EXD1: variants seen among roughly 807,000 people sequenced by gnomAD.
EXD1 encodes exonuclease 3'-5' domain containing 1, also known as piRNA biogenesis protein EXD1.
A neutral mutation model predicts 49.1 loss-of-function variants in EXD1; 63 were observed. The observed-to-expected ratio is 1.28, with a 90% CI of 1.05 to 1.58. The LOEUF (loss-of-function observed/expected upper bound fraction) is 1.58. Ranked by LOEUF, EXD1 falls within the 40% of genes most tolerant of loss-of-function variation. The probability of loss-of-function intolerance (pLI) is 0.00; values close to 1 mark genes in which losing one functional copy is unlikely to be tolerated. For synonymous variants in EXD1, 234 were observed against 239.2 expected (o/e 0.98, Z 0.20); for missense variants, 748 against 666.0 (o/e 1.12, Z -1.36).
In EXD1 at chr15:41,187,931, C is replaced by T. The variant is rs1315260615; in HGVS notation, c.1056+2006G>A. The stretch of plus-strand genomic sequence containing the variant: ...TCAGGAGGCTGAGGCAGGAGAATCG[C>T]CTGAACCCAGGAGGTGGAGTTTGTA... On this transcript the variant is annotated intron_variant, in intron 11 of 11. Coordinates refer to ENST00000458580, the MANE Select transcript of EXD1 (RefSeq NM_001286441.2). Among the ~76,000 whole-genome samples the T allele has an allele frequency of 2.0e-5, 3 of 150,408 alleles. 1 individual carries two copies. The highest frequency in any genetic ancestry group is 4.4e-5 in the Non-Finnish European group (3 of 67,844).
At chr15:41,225,926 T>C (rs1225886685) in intron 2 of EXD1, among the ~76,000 whole-genome samples, 2 of 151,224 alleles carry the variant, frequency 1.3e-5, no homozygotes, top group African/African-American at 4.9e-5. Context: ...AAAACCTTTT[T>C]ATATTGAAAA....
chr15:41,225,648 C>T (rs1051363842), intron 2 of EXD1, among the ~76,000 whole-genome samples: 2 of 150,960 alleles, frequency 1.3e-5, no homozygotes, highest in South Asian at 2.1e-4. Context: ...TTTGGGGGAC[C>T]GAGGTGGGTG....
chr15:41,214,569 C>A (rs986308860), intron 6 of EXD1, among the ~76,000 whole-genome samples: 1 of 151,684 alleles, frequency 6.6e-6, no homozygotes, highest in African/African-American at 2.4e-5. Flanking sequence ...TTAAGTCAAA[C>A]TCAAAATCTT....
intron 7 of EXD1, among the ~76,000 whole-genome samples, chr15:41,197,596 A>G (rs1320054370): frequency 6.6e-6 from 1 of 151,952 alleles, no homozygotes; most frequent in Non-Finnish European, 1.5e-5. Flanking sequence ...AGTAAGACAC[A>G]ATCATTGTGA....
intron 9 of EXD1, among the ~76,000 whole-genome samples, chr15:41,194,354 T>C (rs2046578429): frequency 6.6e-6 from 1 of 152,030 alleles, no homozygotes; most frequent in South Asian, 2.1e-4. Context: ...GAGATTTTAC[T>C]ACAGTCAGAG....
Position 41,184,448 on chromosome 15 carries a change from TCTGTCA to T in EXD1, c.1196_1201del (p.Val399_Thr400del). The T allele has an allele frequency of 6.2e-7, 1 of 1,614,172 alleles. No individual in the cohort carries two copies. Reference sequence around the variant, plus strand: ...GACTTTCTCCTCTTTCCCTGCTGTCTCTGTCACTAATTTCTTTGGCTGTAGCACTGT... The same window carrying T: ...GACTTTCTCCTCTTTCCCTGCTGTCTCTAATTTCTTTGGCTGTAGCACTGT... On this transcript the variant is annotated inframe_deletion, in exon 12 of 12. Transcript: ENST00000458580.
At chr15:41,224,512 AT>A (rs1429172163) in intron 2 of EXD1, among the ~76,000 whole-genome samples, 1 of 152,140 alleles carries the variant, frequency 6.6e-6, no homozygotes, top group East Asian at 1.9e-4. Context: ...AAGCTTCCAG[AT>A]TGGCAGATAT....
chr15:41,207,184 T>C (rs985250735), intron 7 of EXD1, among the ~76,000 whole-genome samples: 2 of 151,378 alleles, frequency 1.3e-5, no homozygotes, highest in Admixed American at 1.3e-4. Context: ...GAGGTTGCAG[T>C]GAGCTGAGAT....
intron 9 of EXD1, 71 bp downstream of exon 9, chr15:41,195,704 T>C: frequency 3.4e-6 from 4 of 1,172,876 alleles, no homozygotes; most frequent in Admixed American, 5.5e-5. Context: ...ACTCATCAGA[T>C]GACCAGATGA....
At chr15:41,217,331 G>A (rs1247252086) in intron 3 of EXD1, among the ~76,000 whole-genome samples, 177 bp from the exon 4 acceptor site, 3 of 152,094 alleles carry the variant, frequency 2.0e-5, no homozygotes, top group Non-Finnish European at 4.4e-5. Flanking sequence ...ACCATCTAAA[G>A]TACCAAAGAC....
At chr15:41,195,079 G>A (rs907382080) in intron 9 of EXD1, among the ~76,000 whole-genome samples, 1 of 152,118 alleles carries the variant, frequency 6.6e-6, no homozygotes, top group Non-Finnish European at 1.5e-5. Flanking sequence ...TGGTTTTACT[G>A]CTCTCACAGC....
chr15:41,202,467 G>A lies in EXD1; in HGVS notation c.535-6430C>T, dbSNP rs550068913. 7.9e-5 allele frequency among the ~76,000 whole-genome samples: 12 copies of A among 151,798 alleles called. No individual in the cohort carries two copies. In the South Asian group the frequency reaches 2.1e-3, roughly 26 times the overall value. On this transcript the variant is annotated intron_variant, in intron 7 of 11. Transcript: ENST00000458580. ...GCTAGGATTACAGGTGTGAGCCACCGCACCCAGCATATATATATATTTGAG... is the reference window on the plus strand; with the variant it reads ...GCTAGGATTACAGGTGTGAGCCACCACACCCAGCATATATATATATTTGAG...
Position 41,197,263 on chromosome 15 carries a change from T to C in EXD1, c.535-1226A>G, listed in dbSNP as rs947127112. Among the ~76,000 whole-genome samples, 124 of 150,742 alleles carry C rather than the reference T, an allele frequency of 8.2e-4. 1 individual carries two copies. The highest frequency in any genetic ancestry group is 2.8e-3 in the African/African-American group (116 of 41,044). On this transcript the variant is annotated intron_variant, in intron 7 of 11. Coordinates refer to ENST00000458580, the MANE Select transcript of EXD1 (RefSeq NM_001286441.2). ...TTTTTTTTGAGACGGAGTCTTGCTC[T>C]GTCGCCCAGGCTGGAGGGCAGTGGC...
chr15:41,215,883 A>G lies in EXD1; in HGVS notation c.389-50T>C, dbSNP rs575535440. The G allele has an allele frequency of 1.7e-4, 266 of 1,586,378 alleles. 6 individuals carry two copies. In the South Asian group the frequency reaches 2.5e-3, roughly 15 times the overall value. Reference sequence around the variant, plus strand: ...TATATTTCTCTTCCTCAGCAACAGAATAGCTTTCTCAATAATTTTGGCCAC... The same window carrying G: ...TATATTTCTCTTCCTCAGCAACAGAGTAGCTTTCTCAATAATTTTGGCCAC... On this transcript the variant is annotated intron_variant, in intron 5 of 11. Transcript: ENST00000458580.
In EXD1 at chr15:41,191,524, G is replaced by T; in HGVS notation, c.782C>A (p.Thr261Asn). The change falls in exon 10 of 12, where the codon ACT (threonine) becomes AAT (asparagine). Residue 261 changes from threonine (T) to asparagine (N), a missense_variant. Transcript: ENST00000458580. ...TGGYLPNCITTLQESLIKHLQ... is the reference protein window; with the variant it reads ...TGGYLPNCITNLQESLIKHLQ... The stretch of plus-strand genomic sequence containing the variant: ...GTGTTTGATTAAACTCTCCTGCAAA[G>T]TAGTGATGCAGTTTGGAAGATAGCC... The T allele has an allele frequency of 6.2e-7, 1 of 1,613,892 alleles. No homozygotes were observed. Among genetic ancestry groups the T allele is most frequent in the South Asian group, 1.1e-5 (1 of 91,078 alleles).
chr15:41,203,753 C>A (rs2046770812), intron 7 of EXD1, among the ~76,000 whole-genome samples: 2 of 151,300 alleles, frequency 1.3e-5, no homozygotes, highest in Admixed American at 1.3e-4. Flanking sequence ...TCCGTCTCTA[C>A]CAAAAATATA....
At chr15:41,186,470 CAAA>C (rs58793050) in intron 11 of EXD1, among the ~76,000 whole-genome samples, 3 of 68,286 alleles carry the variant, frequency 4.4e-5, no homozygotes, top group African/African-American at 1.0e-4. Context: ...GACTCTGTCT[CAAA>C]AAAAAAAAAA....
intron 1 of EXD1, 75 bp downstream of exon 1, chr15:41,230,404 C>A: frequency 6.7e-7 from 1 of 1,501,530 alleles, no homozygotes; most frequent in Non-Finnish European, 9.3e-7. Context: ...TCAAAACAAA[C>A]AATACACCAT....
intron 11 of EXD1, among the ~76,000 whole-genome samples, chr15:41,186,420 C>T (rs925055377): frequency 1.6e-5 from 2 of 128,472 alleles, no homozygotes; most frequent in Non-Finnish European, 3.1e-5. Context: ...TGCAATGAGC[C>T]AAGATTGCAC....
Sources: gnomAD v4.1 joint callset for allele counts (sites outside exome capture counted in the v4.1 genomes callset) on GRCh38, gnomAD v4.1.1 for gene constraint, MANE v1.5 for transcripts, NCBI Gene and HGNC (gene_info 2026-07-23, HGNC 2026-07-21) for gene names.